The following CRK variants were observed in gnomAD, a reference collection of about 807,000 sequenced individuals.
CRK encodes adapter molecule crk.
A neutral mutation model predicts 29.8 loss-of-function variants in CRK; 4 were observed. The observed-to-expected ratio is 0.13, with a 90% CI of 0.07 to 0.31. The LOEUF is 0.31. CRK is among the 10% of genes least tolerant of loss of function. The probability of loss-of-function intolerance (pLI) is 1.00; values close to 1 mark genes in which losing one functional copy is unlikely to be tolerated. For synonymous variants in CRK, 153 were observed against 164.9 expected, an observed-to-expected ratio of 0.93 and a Z score of 0.55; for missense variants, 274 against 396.5, an observed-to-expected ratio of 0.69 and a Z score of 2.62.
At chr17:1,453,310 T>C (rs1006311848) in intron 1 of CRK, among the ~76,000 whole-genome samples, 1 of 152,182 alleles carries the variant, frequency 6.6e-6, no homozygotes, top group East Asian at 1.9e-4. Flanking sequence ...CATAAAATCG[T>C]TATGCTAAGA....
chr17:1,433,016 A>G (rs979183595), intron 2 of CRK, among the ~76,000 whole-genome samples: 2 of 152,162 alleles, frequency 1.3e-5, no homozygotes, highest in Non-Finnish European at 2.9e-5. Flanking sequence ...TGGTTACTAC[A>G]GTTTCTTTGC....
Position 1,434,917 on chromosome 17 carries a change from G to C in CRK, c.777+1703C>G, listed in dbSNP as rs544981045. ...TGAGATTTGTGTTTCACAGCAGGTA[G>C]AGAAGCTCAACCATTTTTTTGAGCA... On this transcript the variant is annotated intron_variant, in intron 2 of 2. Coordinates refer to ENST00000300574, the MANE Select transcript of CRK (RefSeq NM_016823.4). Among the ~76,000 whole-genome samples, 4 of 152,122 alleles carry C rather than the reference G, an allele frequency of 2.6e-5. No homozygotes were observed. In the South Asian group the frequency reaches 8.3e-4, roughly 32 times the overall value.
In CRK at chr17:1,427,072, A is replaced by AAAAAG. The variant is rs778793991; in HGVS notation, c.778-3423_778-3422insCTTTT. Among the ~76,000 whole-genome samples, 177 of 92,072 alleles carry AAAAAG rather than the reference A, an allele frequency of 1.9e-3. 50 individuals are homozygous for AAAAAG. Among genetic ancestry groups the AAAAAG allele is most frequent in the East Asian group, 3.0e-3 (9 of 2,978 alleles). The allele number at this position is 92,072 out of a possible 152,430, so 60.4% of individuals were successfully genotyped here. A position where few individuals can be genotyped will look rare whatever the true frequency, so the allele number is the denominator to read the frequency against. On this transcript the variant is annotated intron_variant, in intron 2 of 2. Transcript: ENST00000300574. Reference sequence around the variant, plus strand: ...AAAAAAAAAAAAAAAAAAAAAAAAAAGATTCTGACATGCCCCAGCCAGGCT... The same window carrying AAAAAG: ...AAAAAAAAAAAAAAAAAAAAAAAAAAAAAAGGATTCTGACATGCCCCAGCCAGGCT...
chr17:1,450,134 G>T (rs531064187), intron 1 of CRK, among the ~76,000 whole-genome samples: 4 of 152,256 alleles, frequency 2.6e-5, no homozygotes, highest in African/African-American at 9.6e-5. Flanking sequence ...TGACCCGGGA[G>T]GGGGAGGTTG....
At position 1,421,266 on chromosome 17, in the gene CRK, A is replaced by T. The variant is rs565197421; in HGVS notation, c.*2247T>A. The T allele has an allele frequency of 7.1e-6, 1 of 141,048 alleles. No individual in the cohort carries two copies. The highest frequency in any genetic ancestry group is 2.5e-5 in the African/African-American group (1 of 39,500). The allele number at this position is 141,048 out of a possible 1,614,324, so 8.7% of individuals were successfully genotyped here. ...GATATTACATATGATGAAAAGAGAC[A>T]TTACAAGCCAATATCAAAGTCAAAG... On this transcript the variant is annotated 3_prime_UTR_variant, in exon 3 of 3. Coordinates refer to ENST00000300574, the MANE Select transcript of CRK (RefSeq NM_016823.4).
intron 1 of CRK, among the ~76,000 whole-genome samples, chr17:1,441,734 T>C (rs903499306): frequency 1.3e-5 from 2 of 151,872 alleles, no homozygotes; most frequent in African/African-American, 2.4e-5. Context: ...TCGTGATCCA[T>C]CCACCTCGGC....
intron 2 of CRK, among the ~76,000 whole-genome samples, chr17:1,429,995 C>G (rs1004146437): frequency 4.0e-5 from 6 of 150,368 alleles, no homozygotes; most frequent in African/African-American, 1.2e-4. Flanking sequence ...TTTTGGCAGA[C>G]AGGTTCAAAT....
chr17:1,449,410 T>C (rs1211267830), intron 1 of CRK, among the ~76,000 whole-genome samples: 1 of 152,184 alleles, frequency 6.6e-6, no homozygotes, highest in Non-Finnish European at 1.5e-5. Flanking sequence ...AAGATTCGTA[T>C]ACATGAAATG....
chr17:1,427,620 A>G (rs2073793787), intron 2 of CRK, among the ~76,000 whole-genome samples: 1 of 151,348 alleles, frequency 6.6e-6, no homozygotes, highest in Non-Finnish European at 1.5e-5. Context: ...CCTCAATGTT[A>G]TATTGTCTTT....
intron 1 of CRK, 121 bp from the exon 2 acceptor site, chr17:1,437,276 T>C: frequency 9.1e-7 from 1 of 1,097,738 alleles, no homozygotes; most frequent in Non-Finnish European, 1.3e-6. Context: ...GGTCTTGACC[T>C]CCGGGGCTCA....
rs755350622 is a variant in CRK, at chr17:1,436,913, G to A, written c.484C>T (p.Arg162Trp). 2.5e-5 allele frequency: 40 copies of A among 1,613,964 alleles called. No individual in the cohort carries two copies. In the East Asian group the frequency reaches 3.8e-4, roughly 15 times the overall value. ...CACCACTGCTCTTCAGGCTTGTCCC[G>A]GATTCTCAAGATGTCTCCTTTCTTA... ...PFKKGDILRI[R>W]DKPEEQWWNA... Residue 162 changes from arginine (R) to tryptophan (W), a missense_variant, in exon 2 of 3, where the codon CGG becomes TGG. This residue lies in a region of CRK where 18 missense variants were observed against 61.3 expected (regional missense o/e 0.29). Transcript: ENST00000300574.
intron 2 of CRK, among the ~76,000 whole-genome samples, chr17:1,423,901 ACT>A (rs1284728071): frequency 6.6e-6 from 1 of 152,138 alleles, no homozygotes; most frequent in African/African-American, 2.4e-5. Context: ...AGATAATGAT[ACT>A]TTTTGATTAA....
intron 2 of CRK, among the ~76,000 whole-genome samples, chr17:1,433,509 CTTTT>C (rs60236552): frequency 1.5e-3 from 85 of 58,604 alleles, no homozygotes; most frequent in Admixed American, 0.014. Context: ...CCACGCCTGG[CTTTT>C]TTTTTTTTTT....
chr17:1,446,237 C>A (rs2073973827), intron 1 of CRK, among the ~76,000 whole-genome samples: 1 of 152,138 alleles, frequency 6.6e-6, no homozygotes, highest in African/African-American at 2.4e-5. Flanking sequence ...AACCTCCCAC[C>A]CGGCTTTCAC....
intron 2 of CRK, among the ~76,000 whole-genome samples, chr17:1,427,419 C>T (rs1395078455): frequency 6.6e-6 from 1 of 151,736 alleles, no homozygotes; most frequent in Non-Finnish European, 1.5e-5. Flanking sequence ...CGGTGAAACC[C>T]CGTCTCTACT....
At chr17:1,441,294 A>G (rs368213074) in intron 1 of CRK, among the ~76,000 whole-genome samples, 3 of 152,028 alleles carry the variant, frequency 2.0e-5, no homozygotes, top group East Asian at 3.9e-4. Context: ...TCCTGGGTCC[A>G]GCGATCCTCT....
intron 1 of CRK, among the ~76,000 whole-genome samples, chr17:1,451,679 C>A (rs2074019486): frequency 6.6e-6 from 1 of 151,812 alleles, no homozygotes; most frequent in African/African-American, 2.4e-5. Flanking sequence ...CTGTGCCTGT[C>A]AACAGCCACT....
chr17:1,435,963 T>C (rs919968428), intron 2 of CRK, among the ~76,000 whole-genome samples: 48 of 152,274 alleles, frequency 3.2e-4, no homozygotes, highest in African/African-American at 1.1e-3. Context: ...CACCATGTAA[T>C]GGCTGGCCAG....
chr17:1,426,140 G>A (rs1271661534), intron 2 of CRK: 1 of 152,178 alleles, frequency 6.6e-6, no homozygotes, highest in African/African-American at 2.4e-5. Flanking sequence ...CTCCTGGGAG[G>A]TCAAGGCTGC....
Sources: gnomAD v4.1 joint callset for allele counts (sites outside exome capture counted in the v4.1 genomes callset) on GRCh38, gnomAD v4.1.1 for gene constraint, gnomAD v4.1.1 regional missense constraint, MANE v1.5 for transcripts, NCBI Gene and HGNC (gene_info 2026-07-23, HGNC 2026-07-21) for gene names.